CTIF: variants seen among roughly 807,000 people sequenced by gnomAD.
CTIF encodes the protein cap binding complex dependent translation initiation factor.
CTIF carries 21 observed loss-of-function variants against 66.0 expected under a neutral mutation model. The ratio of observed to expected loss-of-function variants is 0.32; its 90% CI spans 0.23 to 0.46. CTIF has a LOEUF of 0.46. Ranked by LOEUF, CTIF falls within the 20% of genes least tolerant of loss-of-function variation. The pLI, the probability that CTIF is intolerant of heterozygous loss-of-function variation, is 1.00. For synonymous variants in CTIF, 345 were observed against 326.4 expected, an observed-to-expected ratio of 1.06 and a Z score of -0.62; for missense variants, 739 against 812.7, an observed-to-expected ratio of 0.91 and a Z score of 1.10.
chr18:48,743,433 G>A (rs1051260012), intron 7 of CTIF, among the ~76,000 whole-genome samples: 8 of 152,120 alleles, frequency 5.3e-5, no homozygotes, highest in Non-Finnish European at 1.0e-4. Flanking sequence ...TCCAAACAGC[G>A]GGCCATGAAA....
At chr18:48,674,997 C>A (rs2091601215) in intron 6 of CTIF, among the ~76,000 whole-genome samples, 1 of 144,380 alleles carries the variant, frequency 6.9e-6, no homozygotes, top group Non-Finnish European at 1.5e-5. Flanking sequence ...CAGCCTCAGG[C>A]CAGTTGAGAC....
At chr18:48,622,021 C>T (rs1000848223) in intron 2 of CTIF, among the ~76,000 whole-genome samples, 21 of 152,266 alleles carry the variant, frequency 1.4e-4, no homozygotes, top group African/African-American at 2.9e-4. Flanking sequence ...CAGCGGCTTG[C>T]GGCCACGAAG....
chr18:48,797,348 TG>T (rs1194020211), intron 9 of CTIF, among the ~76,000 whole-genome samples: 1 of 151,994 alleles, frequency 6.6e-6, no homozygotes, highest in Non-Finnish European at 1.5e-5. Flanking sequence ...CTGGGGGTGG[TG>T]GTGCGTGCCT....
intron 3 of CTIF, among the ~76,000 whole-genome samples, chr18:48,649,162 C>A (rs1366956470): frequency 2.0e-5 from 3 of 152,132 alleles, no homozygotes; most frequent in African/African-American, 7.2e-5. Context: ...ATTGCGTCAC[C>A]CGAGAAGCAC....
intron 6 of CTIF, among the ~76,000 whole-genome samples, chr18:48,708,237 AG>A (rs2092183233): frequency 1.3e-4 from 20 of 152,218 alleles, no homozygotes; most frequent in Admixed American, 1.1e-3. Flanking sequence ...AACCTGCATG[AG>A]CTGCACATCT....
At chr18:48,675,571 A>G (rs1353066469) in intron 6 of CTIF, among the ~76,000 whole-genome samples, 2 of 152,172 alleles carry the variant, frequency 1.3e-5, no homozygotes, top group Non-Finnish European at 2.9e-5. Context: ...ACCCCACTCA[A>G]TGCCCAGGCC....
intron 1 of CTIF, among the ~76,000 whole-genome samples, chr18:48,551,802 CT>C (rs201914756): frequency 1.5e-3 from 209 of 143,472 alleles, no homozygotes; most frequent in Middle Eastern, 3.6e-3. Flanking sequence ...CTTTCTTTTT[CT>C]TTTTTTTTTT....
At chr18:48,757,321 A>G (rs1054765805) in intron 7 of CTIF, among the ~76,000 whole-genome samples, 9 of 152,126 alleles carry the variant, frequency 5.9e-5, no homozygotes, top group African/African-American at 1.2e-4. Flanking sequence ...GATGGGGGAC[A>G]CAATTTAGCC....
At chr18:48,771,313 C>G (rs958329339) in intron 9 of CTIF, among the ~76,000 whole-genome samples, 20 of 152,234 alleles carry the variant, frequency 1.3e-4, no homozygotes, top group African/African-American at 4.6e-4. Context: ...CACCACCATA[C>G]TGGTACCCAC....
intron 10 of CTIF, among the ~76,000 whole-genome samples, chr18:48,831,673 G>A (rs542807705): frequency 2.6e-5 from 4 of 152,342 alleles, no homozygotes; most frequent in African/African-American, 7.2e-5. Flanking sequence ...CGTGAGCCAC[G>A]TGTAATTTTA....
intron 6 of CTIF, among the ~76,000 whole-genome samples, chr18:48,695,051 T>TTATCTTC (rs1182549446): frequency 6.6e-6 from 1 of 152,234 alleles, no homozygotes; most frequent in Non-Finnish European, 1.5e-5. Context: ...GGGAGATCTA[T>TTATCTTC]TATCTTCTTC....
At chr18:48,717,260 G>A (rs1018561232) in intron 7 of CTIF, among the ~76,000 whole-genome samples, 38 of 152,150 alleles carry the variant, frequency 2.5e-4, no homozygotes, top group African/African-American at 8.7e-4. Flanking sequence ...TTAGCCGAGC[G>A]TGGTGGTGCA....
intron 2 of CTIF, 132 bp downstream of exon 2, chr18:48,619,877 A>T: frequency 1.1e-6 from 1 of 906,550 alleles, no homozygotes; most frequent in Non-Finnish European, 1.5e-6. Context: ...CCAGCAGAGC[A>T]CCCAGAATCT....
At chr18:48,640,376 G>A (rs948559480) in intron 3 of CTIF, among the ~76,000 whole-genome samples, 3 of 152,228 alleles carry the variant, frequency 2.0e-5, no homozygotes, top group African/African-American at 7.2e-5. Context: ...CTAGGGCCTT[G>A]TACTCAGTAG....
At chr18:48,787,997 G>A (rs115577590) in intron 9 of CTIF, among the ~76,000 whole-genome samples, 2,267 of 152,292 alleles carry the variant, frequency 0.015, 68 homozygotes, top group African/African-American at 0.052. Context: ...CTCAGCGGGA[G>A]GTGAGGCTGG....
chr18:48,798,670 TCC>T (rs2067983764), intron 9 of CTIF, among the ~76,000 whole-genome samples: 1 of 152,166 alleles, frequency 6.6e-6, no homozygotes, highest in Non-Finnish European at 1.5e-5. Context: ...CTTAATGCGC[TCC>T]CCAGTATTTC....
chr18:48,624,392 C>T (rs190878079), intron 2 of CTIF, among the ~76,000 whole-genome samples: 388 of 152,290 alleles, frequency 2.5e-3, no homozygotes, highest in African/African-American at 8.9e-3. Flanking sequence ...CTTCTGGTTT[C>T]CTGCTCCGTA....
At chr18:48,806,221 A>G (rs967974787) in intron 9 of CTIF, among the ~76,000 whole-genome samples, 1 of 152,204 alleles carries the variant, frequency 6.6e-6, no homozygotes, top group Non-Finnish European at 1.5e-5. Flanking sequence ...TCCTCTTTTC[A>G]GTATAAAGAA....
At chr18:48,717,072 T>C (rs915250275) in intron 7 of CTIF, among the ~76,000 whole-genome samples, 7 of 152,168 alleles carry the variant, frequency 4.6e-5, no homozygotes, top group Non-Finnish European at 1.0e-4. Context: ...TGACCGTGAC[T>C]GTGATTTGGT....
Sources: gnomAD v4.1 joint callset for allele counts (sites outside exome capture counted in the v4.1 genomes callset) on GRCh38, gnomAD v4.1.1 for gene constraint, MANE v1.5 for transcripts, NCBI Gene and HGNC (gene_info 2026-07-23, HGNC 2026-07-21) for gene names.